Variants in NADK2 observed in about 807,000 individuals in gnomAD.
NADK2 encodes the protein NAD kinase domain-containing protein 1, mitochondrial.
Under a neutral mutation model 62.1 loss-of-function variants are expected in NADK2, and 35 were observed. That is an observed-to-expected ratio of 0.56 (90% CI 0.43 to 0.75). The LOEUF is 0.75. Among genes scored for constraint, NADK2 ranks in the 30% least tolerant of loss-of-function variants. The pLI, the probability that NADK2 is intolerant of heterozygous loss-of-function variation, is 0.00. For synonymous variants in NADK2, 205 were observed against 207.9 expected (o/e 0.99, Z 0.12); for missense variants, 439 against 561.3 (o/e 0.78, Z 2.20).
At chr5:36,196,128 T>C (rs929272382) in intron 11 of NADK2, among the ~76,000 whole-genome samples, 1 of 152,192 alleles carries the variant, frequency 6.6e-6, no homozygotes, top group Non-Finnish European at 1.5e-5. Context: ...TTTGCGCACA[T>C]ATTTCTGTTG....
intron 10 of NADK2, among the ~76,000 whole-genome samples, chr5:36,199,213 T>C (rs1398372111): frequency 6.6e-6 from 1 of 151,466 alleles, no homozygotes; most frequent in Non-Finnish European, 1.5e-5. Flanking sequence ...ATAATAAAAT[T>C]AAAAAAAAGA....
intron 7 of NADK2, 109 bp from the exon 8 acceptor site, chr5:36,207,374 T>C (rs1746679428): frequency 4.1e-6 from 3 of 730,604 alleles, no homozygotes; most frequent in Non-Finnish European, 6.9e-6. Flanking sequence ...ACCCAAGAAA[T>C]ACTTGACTTA....
intron 8 of NADK2, among the ~76,000 whole-genome samples, chr5:36,202,384 T>C (rs1011368565): frequency 6.6e-5 from 10 of 152,018 alleles, no homozygotes; most frequent in African/African-American, 2.4e-4. Context: ...AGAAACTAAT[T>C]GAAACATATG....
In NADK2 at chr5:36,205,533, T is replaced by C. The variant is rs1368131928; in HGVS notation, c.956+1637A>G. Among the ~76,000 whole-genome samples the C allele has an allele frequency of 2.6e-5, 4 of 152,144 alleles. No homozygotes were observed. Among genetic ancestry groups the C allele is most frequent in the African/African-American group, 7.2e-5 (3 of 41,516 alleles). ...GGCCAATAAGATCGCTAAGGTCATA[T>C]GTTAAAGGGCCTCAAATGACAGATT... On this transcript the variant is annotated intron_variant, in intron 8 of 11. Transcript: ENST00000381937. The surrounding 1 kb of genome is among the most constrained non-coding windows in gnomAD (Gnocchi z 4.1).
intron 4 of NADK2, chr5:36,220,966 C>G (rs910368276): frequency 3.9e-5 from 6 of 152,236 alleles, no homozygotes; most frequent in Non-Finnish European, 5.9e-5. Flanking sequence ...TCCTAAAGAC[C>G]AATACAGATG....
At position 36,200,300 on chromosome 5, in the gene NADK2, G is replaced by T; in HGVS notation, c.1013-20C>A. ...GTTTTGCTGTTGAAAAAGGAAAGGG[G>T]GAAAATGTATGTTATAAATATATAT... On this transcript the variant is annotated intron_variant, in intron 9 of 11. Coordinates refer to ENST00000381937, the MANE Select transcript of NADK2 (RefSeq NM_001085411.3). 1 of 1,554,222 alleles carries T rather than the reference G, an allele frequency of 6.4e-7. No homozygotes were observed. Among genetic ancestry groups the T allele is most frequent in the Non-Finnish European group, 8.7e-7 (1 of 1,143,976 alleles).
chr5:36,196,403 G>A (rs1004386289), intron 11 of NADK2, among the ~76,000 whole-genome samples: 6 of 151,984 alleles, frequency 3.9e-5, no homozygotes, highest in Non-Finnish European at 8.8e-5. Context: ...CATGTTTTTT[G>A]TGTTTATTAG....
intron 1 of NADK2, among the ~76,000 whole-genome samples, chr5:36,238,102 T>C (rs904622518): frequency 6.6e-6 from 1 of 152,194 alleles, no homozygotes; most frequent in Non-Finnish European, 1.5e-5. Context: ...TGCTCTTTAA[T>C]TTGATTAACA....
At chr5:36,222,047 G>C (rs1747291312) in intron 4 of NADK2, 1 of 152,064 alleles carries the variant, frequency 6.6e-6, no homozygotes, top group South Asian at 2.1e-4. Flanking sequence ...TAGTGACAGA[G>C]AAATTAAAAT....
chr5:36,236,097 T>C (rs1747899150), intron 1 of NADK2, among the ~76,000 whole-genome samples: 2 of 152,054 alleles, frequency 1.3e-5, no homozygotes, highest in African/African-American at 4.8e-5. Flanking sequence ...ATTAAAAATA[T>C]AGTAAAATGA....
chr5:36,200,405 G>T (rs1746399539), intron 9 of NADK2, 125 bp from the exon 10 acceptor site: 2 of 399,534 alleles, frequency 5.0e-6, no homozygotes, highest in Non-Finnish European at 8.2e-6. Flanking sequence ...ATGTTATTAT[G>T]TAACATAATA....
intron 11 of NADK2, among the ~76,000 whole-genome samples, chr5:36,196,973 C>T (rs1284008926): frequency 6.6e-6 from 1 of 151,954 alleles, no homozygotes; most frequent in African/African-American, 2.4e-5. Context: ...AGATAGATGA[C>T]ATTTTCTCCG....
At chr5:36,219,571 A>T in intron 5 of NADK2, 25 bp downstream of exon 5, 1 of 1,587,766 alleles carries the variant, frequency 6.3e-7, no homozygotes, top group Non-Finnish European at 8.6e-7. Context: ...ATACTTACAT[A>T]AGAACAACCG....
intron 7 of NADK2, among the ~76,000 whole-genome samples, chr5:36,209,000 G>A (rs1746743444): frequency 6.6e-6 from 1 of 152,078 alleles, no homozygotes; most frequent in Non-Finnish European, 1.5e-5. Context: ...AGCATTAAAT[G>A]AGATAGCATA....
chr5:36,212,047 C>G (rs1579612148), intron 6 of NADK2, 125 bp from the exon 7 acceptor site: 1 of 646,230 alleles, frequency 1.5e-6, no homozygotes, highest in African/African-American at 1.9e-5. Flanking sequence ...TACTTTAATA[C>G]AGTTAACATT....
In NADK2 at chr5:36,205,728, A is replaced by C. The variant is rs1403874971; in HGVS notation, c.956+1442T>G. On this transcript the variant is annotated intron_variant, in intron 8 of 11. Transcript: ENST00000381937. This position sits in a 1 kb window ranked among gnomAD's most constrained non-coding sequence, Gnocchi z 4.1. ...AATTAGTGCAACCATTGTGGAAGACAGTGTGGCGATTCCTCAAGGATCTAG... is the reference window on the plus strand; with the variant it reads ...AATTAGTGCAACCATTGTGGAAGACCGTGTGGCGATTCCTCAAGGATCTAG... Among the ~76,000 whole-genome samples the C allele has an allele frequency of 6.6e-6, 1 of 152,168 alleles. No homozygotes were observed. The highest frequency in any genetic ancestry group is 1.5e-5 in the Non-Finnish European group (1 of 68,040).
intron 6 of NADK2, among the ~76,000 whole-genome samples, chr5:36,217,075 A>C (rs1747072668): frequency 6.6e-6 from 1 of 152,170 alleles, no homozygotes; most frequent in Admixed American, 6.6e-5. Context: ...GCAGAAAGCA[A>C]AAATGTAAAA....
chr5:36,213,435 C>T (rs1263654287), intron 6 of NADK2, among the ~76,000 whole-genome samples: 1 of 151,730 alleles, frequency 6.6e-6, no homozygotes, highest in Non-Finnish European at 1.5e-5. Context: ...TTAAATGGAA[C>T]ATTATATTTT....
chr5:36,203,942 C>A (rs1269386075), intron 8 of NADK2, among the ~76,000 whole-genome samples: 1 of 152,084 alleles, frequency 6.6e-6, no homozygotes, highest in Non-Finnish European at 1.5e-5. Flanking sequence ...TAAAAATTGA[C>A]CTTCCCTTGT....
Sources: allele counts gnomAD v4.1 joint callset (sites outside exome capture counted in the v4.1 genomes callset), GRCh38; gene constraint gnomAD v4.1.1; non-coding constraint Gnocchi (gnomAD v3.1); transcripts MANE v1.5; gene names NCBI Gene and HGNC (gene_info 2026-07-23, HGNC 2026-07-21).